Variants in STK4 observed in about 807,000 individuals in gnomAD.
The protein encoded by STK4 is serine/threonine-protein kinase 4.
In STK4, 30 loss-of-function variants were observed where a neutral mutation model predicts 64.9. The ratio of observed to expected loss-of-function variants is 0.46; its 90% confidence interval spans 0.35 to 0.63. The LOEUF is 0.63. Ranked by LOEUF, STK4 falls within the 20% of genes least tolerant of loss-of-function variation. The pLI is 0.01. For missense variants in STK4, 466 were observed against 598.5 expected, an observed-to-expected ratio of 0.78 and a Z score of 2.31; for synonymous variants, 177 against 199.0, an observed-to-expected ratio of 0.89 and a Z score of 0.93.
At chr20:45,039,163 TA>T (rs1193285460) in intron 10 of STK4, among the ~76,000 whole-genome samples, 9 of 152,286 alleles carry the variant, frequency 5.9e-5, no homozygotes, top group African/African-American at 2.2e-4. Flanking sequence ...GAAATTTTCT[TA>T]CTCTGTATAT....
chr20:45,075,219 G>A lies in STK4; in HGVS notation c.*43G>A, dbSNP rs781166456. ...GGGCCCCAGCTCCACCCAGGCTTTG[G>A]GTGAATTCTGGATGGCTTGCCTCAT... On this transcript the variant is annotated 3_prime_UTR_variant, in exon 11 of 11. Transcript: ENST00000372806. 5.0e-6 allele frequency: 8 copies of A among 1,601,234 alleles called. No homozygotes were observed. The highest frequency in any genetic ancestry group is 3.4e-5 in the Admixed American group (2 of 59,372).
At chr20:45,068,768 C>G (rs1260848215) in intron 10 of STK4, among the ~76,000 whole-genome samples, 1 of 152,144 alleles carries the variant, frequency 6.6e-6, no homozygotes, top group East Asian at 1.9e-4. Context: ...ATGATGATAC[C>G]TACCTTACAG....
intron 10 of STK4, among the ~76,000 whole-genome samples, chr20:45,061,954 A>G (rs1393503326): frequency 7.2e-6 from 1 of 138,682 alleles, no homozygotes. Context: ...ATCTCAGCTC[A>G]CTGCAACCCC....
chr20:45,039,104 G>A (rs888786916), intron 10 of STK4, among the ~76,000 whole-genome samples: 3 of 152,064 alleles, frequency 2.0e-5, no homozygotes, highest in Non-Finnish European at 4.4e-5. Flanking sequence ...TCAACAAGTA[G>A]TGGTTTCTTA....
intron 1 of STK4, among the ~76,000 whole-genome samples, chr20:44,968,809 C>T (rs1050085324): frequency 6.6e-6 from 1 of 152,194 alleles, no homozygotes; most frequent in African/African-American, 2.4e-5. Flanking sequence ...ATTCCCAGCT[C>T]ATTGTAACTA....
intron 10 of STK4, among the ~76,000 whole-genome samples, chr20:45,049,105 G>A (rs1395689764): frequency 6.6e-6 from 1 of 152,128 alleles, no homozygotes; most frequent in Non-Finnish European, 1.5e-5. Context: ...AGAGAGAGCT[G>A]TATGGGATCC....
At chr20:45,003,842 G>A (rs1027853384) in intron 9 of STK4, among the ~76,000 whole-genome samples, 1 of 150,214 alleles carries the variant, frequency 6.7e-6, no homozygotes, top group South Asian at 2.1e-4. Context: ...TCAGCCTCCC[G>A]AGTAGCTGCG....
chr20:44,967,319 C>G (rs1478816549), intron 1 of STK4: 40 of 806,788 alleles, frequency 5.0e-5, no homozygotes, highest in Non-Finnish European at 5.7e-5. Flanking sequence ...AGACTGAGGT[C>G]CAGAGTAGTT....
chr20:45,054,455 C>T (rs1483469162), intron 10 of STK4, among the ~76,000 whole-genome samples: 1 of 151,268 alleles, frequency 6.6e-6, no homozygotes, highest in Non-Finnish European at 1.5e-5. Flanking sequence ...TCCTGCTACT[C>T]AAGAGGCTGA....
intron 9 of STK4, among the ~76,000 whole-genome samples, chr20:45,013,885 T>A (rs1053783663): frequency 2.0e-5 from 3 of 152,146 alleles, no homozygotes; most frequent in Non-Finnish European, 4.4e-5. Context: ...TTGGTATTAC[T>A]CACATATGTC....
chr20:44,988,891 G>A (rs1297637002), intron 5 of STK4, among the ~76,000 whole-genome samples: 2 of 151,910 alleles, frequency 1.3e-5, no homozygotes, highest in Non-Finnish European at 2.9e-5. Context: ...TACATAATGT[G>A]CCCTTTTGTT....
chr20:45,062,158 G>T (rs1462697248), intron 10 of STK4, among the ~76,000 whole-genome samples: 1 of 152,072 alleles, frequency 6.6e-6, no homozygotes, highest in South Asian at 2.1e-4. Flanking sequence ...GGGATTACAG[G>T]TGTGAGCCAC....
At chr20:45,002,162 A>G (rs995285736) in intron 9 of STK4, among the ~76,000 whole-genome samples, 4 of 152,238 alleles carry the variant, frequency 2.6e-5, no homozygotes, top group African/African-American at 4.8e-5. Context: ...GACTCTGAGT[A>G]CTAAATTGTC....
At chr20:45,049,059 T>C (rs1314363838) in intron 10 of STK4, among the ~76,000 whole-genome samples, 4 of 151,926 alleles carry the variant, frequency 2.6e-5, no homozygotes, top group African/African-American at 9.7e-5. Flanking sequence ...CTCAAGTAAA[T>C]GTATGTGCGT....
At chr20:45,031,514 G>A (rs2068442498) in intron 10 of STK4, among the ~76,000 whole-genome samples, 1 of 151,966 alleles carries the variant, frequency 6.6e-6, no homozygotes, top group African/African-American at 2.4e-5. Context: ...GAGATGTAAC[G>A]GAAAGAAAAT....
chr20:45,050,472 T>G lies in STK4; in HGVS notation c.1306-24546T>G, dbSNP rs79949304. The stretch of plus-strand genomic sequence containing the variant: ...AATAACATCTTTGCATGGTACGCCC[T>G]TAGAATTAATTCCTGCAGTAGAATT... On this transcript the variant is annotated intron_variant, in intron 10 of 10. Transcript: ENST00000372806. Among the ~76,000 whole-genome samples, 205 of 152,324 alleles carry G rather than the reference T, an allele frequency of 1.3e-3. 1 individual carries two copies. The highest frequency in any genetic ancestry group is 4.8e-3 in the African/African-American group (198 of 41,574).
At chr20:45,034,971 T>A (rs1037799744) in intron 10 of STK4, among the ~76,000 whole-genome samples, 13 of 152,062 alleles carry the variant, frequency 8.5e-5, no homozygotes, top group Non-Finnish European at 5.9e-5. Context: ...TTAAGAAACA[T>A]ACCTATGTAT....
At chr20:45,052,453 A>C (rs1978291987) in intron 10 of STK4, among the ~76,000 whole-genome samples, 1 of 152,182 alleles carries the variant, frequency 6.6e-6, no homozygotes, top group Non-Finnish European at 1.5e-5. Context: ...ATCATTTTTA[A>C]GGGTCACATA....
chr20:44,967,062 C>T (rs1164343361), intron 1 of STK4: 1 of 818,170 alleles, frequency 1.2e-6, no homozygotes, highest in Non-Finnish European at 1.5e-6. Flanking sequence ...GTGGGGGGAT[C>T]TGTGGAGGGG....
Sources: gnomAD v4.1 joint callset for allele counts (sites outside exome capture counted in the v4.1 genomes callset) on GRCh38, gnomAD v4.1.1 for gene constraint, MANE v1.5 for transcripts, NCBI Gene and HGNC (gene_info 2026-07-23, HGNC 2026-07-21) for gene names.